TMEM108: variants seen among roughly 807,000 people sequenced by gnomAD.
TMEM108 encodes transmembrane protein 108.
A neutral mutation model predicts 35.1 loss-of-function variants in TMEM108; 12 were observed. The observed-to-expected ratio is 0.34, with a 90% CI of 0.22 to 0.55. The LOEUF is 0.55. Among genes scored for constraint, TMEM108 ranks in the 20% least tolerant of loss-of-function variants. TMEM108 has a pLI of 0.89. For missense variants in TMEM108, 680 were observed against 753.3 expected (o/e 0.90, Z 1.14); for synonymous variants, 287 against 308.6 (o/e 0.93, Z 0.73).
chr3:133,083,719 A>T (rs888767076), intron 2 of TMEM108, among the ~76,000 whole-genome samples: 9 of 152,262 alleles, frequency 5.9e-5, no homozygotes, highest in African/African-American at 1.4e-4. Flanking sequence ...CTGTTTTTTT[A>T]AAATAAAGGA....
At chr3:133,157,040 A>G (rs1944891989) in intron 2 of TMEM108, among the ~76,000 whole-genome samples, 2 of 152,220 alleles carry the variant, frequency 1.3e-5, no homozygotes, top group East Asian at 1.9e-4. Context: ...TTACTGCAAC[A>G]TAATTTCCTG....
chr3:133,069,107 T>G (rs749195293), intron 2 of TMEM108, among the ~76,000 whole-genome samples: 7 of 152,202 alleles, frequency 4.6e-5, no homozygotes, highest in Non-Finnish European at 8.8e-5. Flanking sequence ...CTCTTTTCCC[T>G]AAAGATGGCA....
chr3:133,071,306 T>A (rs562533550), intron 2 of TMEM108, among the ~76,000 whole-genome samples: 76 of 152,274 alleles, frequency 5.0e-4, no homozygotes, highest in African/African-American at 1.7e-3. Context: ...GAGCCCTCTC[T>A]CCTCATCTTG....
At chr3:133,243,103 G>T (rs2107661997) in intron 3 of TMEM108, among the ~76,000 whole-genome samples, 1 of 152,314 alleles carries the variant, frequency 6.6e-6, no homozygotes, top group South Asian at 2.1e-4. Context: ...AGATGGAAGG[G>T]CTGGAAGCTC....
intron 2 of TMEM108, among the ~76,000 whole-genome samples, chr3:133,154,346 A>G (rs1944845769): frequency 6.6e-6 from 1 of 152,050 alleles, no homozygotes; most frequent in Non-Finnish European, 1.5e-5. Flanking sequence ...TTGGTGTTTT[A>G]GACATGAAGT....
rs1301528773 is a variant in TMEM108, at chr3:133,386,689, A to G, written c.1451-3491A>G. 11 of 1,393,306 alleles carry G rather than the reference A, an allele frequency of 7.9e-6. No homozygotes were observed. The African/African-American group carries it at 1.4e-4, about 18-fold the overall frequency. 86.3% of individuals were successfully genotyped at this position (1,393,306 alleles called of 1,614,324 possible). A position where few individuals can be genotyped will look rare whatever the true frequency, so the allele number is the denominator to read the frequency against. ...AGAGCAGTTGAAGCTTTTCAACTAA[A>G]TGGGAAAGGGAACAGTTAACATCTT... On this transcript the variant is annotated intron_variant, in intron 4 of 5. Transcript: ENST00000321871.
intron 2 of TMEM108, among the ~76,000 whole-genome samples, chr3:133,068,569 G>T (rs1943638833): frequency 1.3e-5 from 2 of 152,108 alleles, no homozygotes; most frequent in Non-Finnish European, 1.5e-5. Flanking sequence ...CTGATGAAGG[G>T]TTCAAAATGT....
chr3:133,293,450 A>G (rs535063147), intron 3 of TMEM108, among the ~76,000 whole-genome samples: 12 of 151,266 alleles, frequency 7.9e-5, no homozygotes, highest in Non-Finnish European at 1.6e-4. Context: ...ATTGTTGGCT[A>G]TTAAATGAAT....
chr3:133,322,361 A>G (rs540562633), intron 3 of TMEM108, among the ~76,000 whole-genome samples: 26 of 152,202 alleles, frequency 1.7e-4, no homozygotes, highest in Non-Finnish European at 3.2e-4. Flanking sequence ...ACACCACAGA[A>G]ATACAAAAGA....
intron 2 of TMEM108, among the ~76,000 whole-genome samples, chr3:133,056,654 C>T (rs1194787539): frequency 6.6e-6 from 1 of 152,180 alleles, no homozygotes; most frequent in South Asian, 2.1e-4. Context: ...ACTTTCACAC[C>T]TTCCCTAACC....
intron 3 of TMEM108, among the ~76,000 whole-genome samples, chr3:133,284,920 T>C (rs1255016364): frequency 6.6e-6 from 1 of 152,198 alleles, no homozygotes; most frequent in Non-Finnish European, 1.5e-5. Flanking sequence ...TTCAAGTTTT[T>C]TGTTTTTTGT....
chr3:133,194,661 G>A (rs1409702734), intron 2 of TMEM108, among the ~76,000 whole-genome samples: 3 of 151,892 alleles, frequency 2.0e-5, no homozygotes, highest in Non-Finnish European at 4.4e-5. Context: ...CTACCTAGGT[G>A]TGTGCAAAAC....
intron 3 of TMEM108, among the ~76,000 whole-genome samples, chr3:133,233,308 C>A (rs543698607): frequency 3.7e-4 from 56 of 152,070 alleles, no homozygotes; most frequent in Non-Finnish European, 5.1e-4. Context: ...TTTGTTCTTG[C>A]AATAGTTTAC....
intron 2 of TMEM108, among the ~76,000 whole-genome samples, chr3:133,169,307 T>C (rs1339454990): frequency 7.6e-5 from 11 of 145,630 alleles, no homozygotes; most frequent in African/African-American, 2.6e-4. Flanking sequence ...TATAGTTGTG[T>C]ACTCATCTTT....
chr3:133,307,447 A>G (rs943427206), intron 3 of TMEM108, among the ~76,000 whole-genome samples: 9 of 152,124 alleles, frequency 5.9e-5, no homozygotes, highest in Non-Finnish European at 1.2e-4. Context: ...GTCCTTGCCC[A>G]TGCCTGTGTC....
chr3:133,128,801 A>G (rs1944450023), intron 2 of TMEM108, among the ~76,000 whole-genome samples: 1 of 152,200 alleles, frequency 6.6e-6, no homozygotes, highest in Non-Finnish European at 1.5e-5. Context: ...GTTCTCCGTC[A>G]TGCTCTGTCT....
At chr3:133,299,506 A>G (rs1947189499) in intron 3 of TMEM108, among the ~76,000 whole-genome samples, 1 of 152,172 alleles carries the variant, frequency 6.6e-6, no homozygotes, top group Admixed American at 6.5e-5. Context: ...TCCCTTCTGC[A>G]GTACGTTTAT....
chr3:133,388,327 C>G (rs540332492), intron 4 of TMEM108: 1 of 983,468 alleles, frequency 1.0e-6, no homozygotes, highest in East Asian at 1.1e-4. Context: ...CTGCCACTCA[C>G]ATACCTGTGA....
At chr3:133,166,443 G>A (rs1027410822) in intron 2 of TMEM108, among the ~76,000 whole-genome samples, 5 of 152,194 alleles carry the variant, frequency 3.3e-5, no homozygotes, top group African/African-American at 7.2e-5. Context: ...GAATGAAGCC[G>A]TGGACCCTCG....
Sources: allele counts gnomAD v4.1 joint callset (sites outside exome capture counted in the v4.1 genomes callset), GRCh38; gene constraint gnomAD v4.1.1; transcripts MANE v1.5; gene names NCBI Gene and HGNC (gene_info 2026-07-23, HGNC 2026-07-21).